The following NAV3 variants were observed in gnomAD, a reference collection of about 807,000 sequenced individuals.
NAV3 encodes the protein pore membrane and/or filament interacting like protein 1.
A neutral mutation model predicts 244.7 loss-of-function variants in NAV3; 87 were observed. The ratio of observed to expected loss-of-function variants is 0.36; its 90% CI spans 0.30 to 0.42. The LOEUF is 0.42. NAV3 is among the 20% of genes least tolerant of loss of function. NAV3 has a pLI of 1.00. For missense variants in NAV3, 2,663 were observed against 2,893.3 expected (o/e 0.92, Z 1.83); for synonymous variants, 1,126 against 1,042.2 (o/e 1.08, Z -1.55).
At chr12:78,003,317 G>T (rs1219571579) in intron 7 of NAV3, among the ~76,000 whole-genome samples, 3 of 152,036 alleles carry the variant, frequency 2.0e-5, no homozygotes, top group African/African-American at 7.2e-5. Context: ...CAAAATAAGT[G>T]GCATAGCCAC....
chr12:78,200,381 A>C (rs1430772533), intron 37 of NAV3, 92 bp from the exon 38 acceptor site: 1 of 736,320 alleles, frequency 1.4e-6, no homozygotes. Context: ...GAATTTTGCA[A>C]GAAATATATT....
chr12:78,032,118 G>A lies in NAV3; in HGVS notation c.2023+10256G>A, dbSNP rs547441262. On this transcript the variant is annotated intron_variant, in intron 9 of 39. Coordinates refer to ENST00000397909, the MANE Select transcript of NAV3 (RefSeq NM_001024383.2). ...TATTTCTCCTCTACTTTTGAGTTAT[G>A]TAACCCAGAAAAAAGTCTTTTTGTG... Among the ~76,000 whole-genome samples, 4 of 152,222 alleles carry A rather than the reference G, an allele frequency of 2.6e-5. No individual in the cohort carries two copies. In the South Asian group the frequency reaches 8.3e-4, roughly 32 times the overall value.
chr12:77,920,407 A>G (rs950446141), intron 1 of NAV3, among the ~76,000 whole-genome samples: 6 of 152,022 alleles, frequency 3.9e-5, no homozygotes, highest in African/African-American at 1.4e-4. Flanking sequence ...GGACATGAAG[A>G]AAATGGAAAA....
chr12:78,159,508 A>G (rs1957437485), intron 23 of NAV3, among the ~76,000 whole-genome samples: 1 of 151,966 alleles, frequency 6.6e-6, no homozygotes, highest in African/African-American at 2.4e-5. Flanking sequence ...TACTAAAAAC[A>G]CACACAAAAA....
chr12:77,850,099 A>C (rs1350237411), intron 1 of NAV3, among the ~76,000 whole-genome samples: 1 of 152,200 alleles, frequency 6.6e-6, no homozygotes, highest in Non-Finnish European at 1.5e-5. Context: ...ATATGTCTTT[A>C]ACATAAAATT....
At chr12:77,650,964 T>C (rs1158393971) in intron 2 of NAV3, among the ~76,000 whole-genome samples, 2 of 152,204 alleles carry the variant, frequency 1.3e-5, no homozygotes, top group East Asian at 3.9e-4. Flanking sequence ...AAAAATTCCA[T>C]TTTTTATAAA....
intron 6 of NAV3, among the ~76,000 whole-genome samples, chr12:77,997,626 T>G (rs1399768356): frequency 1.8e-4 from 27 of 152,248 alleles, no homozygotes; most frequent in Admixed American, 1.6e-3. Flanking sequence ...AGTGATTTTC[T>G]TCTGAGATCT....
chr12:78,160,378 A>AGTGTGTGTGTGTGTGTGT (rs10628612), intron 23 of NAV3, among the ~76,000 whole-genome samples: 1,401 of 133,742 alleles, frequency 0.01, 14 homozygotes, highest in East Asian at 0.063. Flanking sequence ...AATTCTATGG[A>AGTGTGTGTGTGTGTGTGT]GTGTGTGTGT....
chr12:77,963,686 G>A (rs1348325553), intron 3 of NAV3, among the ~76,000 whole-genome samples: 5 of 152,018 alleles, frequency 3.3e-5, no homozygotes, highest in African/African-American at 9.7e-5. Flanking sequence ...CAATAATGGG[G>A]AACATAACTA....
chr12:77,652,836 T>A (rs1450912970), intron 2 of NAV3, among the ~76,000 whole-genome samples: 1 of 152,228 alleles, frequency 6.6e-6, no homozygotes, highest in Admixed American at 6.5e-5. Flanking sequence ...GCAATCAGTG[T>A]TTGTCAGTTT....
rs547180122 is a variant in NAV3, at chr12:77,676,581, T to A, written c.72+104315T>A. 9.2e-3 allele frequency among the ~76,000 whole-genome samples: 1,401 copies of A among 151,822 alleles called. 23 individuals are homozygous for A. The highest frequency in any genetic ancestry group is 0.029 in the African/African-American group (1,185 of 41,412). The stretch of plus-strand genomic sequence containing the variant: ...AGCCTTTTTTTTTTTTTAAATTTTT[T>A]AAAAAATTTTACTTTAAGTTCTGGA... On this transcript the variant is annotated intron_variant, in intron 2 of 8. Transcript: ENST00000550042.
At chr12:77,968,491 C>CT (rs748082346) in intron 4 of NAV3, 28 bp from the exon 5 acceptor site, 16 of 1,560,944 alleles carry the variant, frequency 1.0e-5, no homozygotes, top group East Asian at 6.7e-5. Flanking sequence ...ACATATGATT[C>CT]TTTTTTTGTA....
At chr12:77,822,272 C>A (rs1351676769) in intron 2 of NAV3, among the ~76,000 whole-genome samples, 1 of 152,184 alleles carries the variant, frequency 6.6e-6, no homozygotes, top group East Asian at 1.9e-4. Context: ...TTTAGGTGGA[C>A]ATTGTGTGCA....
intron 21 of NAV3, among the ~76,000 whole-genome samples, chr12:78,146,703 TAC>T (rs1049904563): frequency 1.3e-5 from 2 of 152,112 alleles, no homozygotes; most frequent in African/African-American, 2.4e-5. Context: ...CCTATTTTAT[TAC>T]AGTCTTTTTC....
At chr12:77,766,745 T>TTTTTTTTG (rs1869786582) in intron 2 of NAV3, among the ~76,000 whole-genome samples, 1 of 26,516 alleles carries the variant, frequency 3.8e-5, no homozygotes, top group South Asian at 1.3e-3. Flanking sequence ...GTTTTTTTTT[T>TTTTTTTTG]TTTTTTTTTT....
intron 9 of NAV3, among the ~76,000 whole-genome samples, chr12:78,042,420 TTAAAAA>T (rs1357476351): frequency 6.6e-6 from 1 of 152,202 alleles, no homozygotes; most frequent in African/African-American, 2.4e-5. Flanking sequence ...GGAGAAGTAA[TTAAAAA>T]TAAAACCATT....
At chr12:77,966,556 A>G (rs571250582) in intron 4 of NAV3, among the ~76,000 whole-genome samples, 13 of 151,334 alleles carry the variant, frequency 8.6e-5, no homozygotes, top group African/African-American at 3.2e-4. Flanking sequence ...TCAAAAAAAT[A>G]TCTTTATGTT....
intron 1 of NAV3, among the ~76,000 whole-genome samples, chr12:77,928,353 G>T (rs186684573): frequency 6.6e-6 from 1 of 152,048 alleles, no homozygotes; most frequent in East Asian, 1.9e-4. Flanking sequence ...ATGCCGAGGG[G>T]TTCTCACAAT....
chr12:77,746,510 A>G (rs531141704), intron 2 of NAV3, among the ~76,000 whole-genome samples: 136 of 152,268 alleles, frequency 8.9e-4, no homozygotes, highest in Non-Finnish European at 1.4e-3. Flanking sequence ...TGTGTATACT[A>G]TATTACATAA....
Sources: gnomAD v4.1 joint callset for allele counts (sites outside exome capture counted in the v4.1 genomes callset) on GRCh38, gnomAD v4.1.1 for gene constraint, MANE v1.5 for transcripts, NCBI Gene and HGNC (gene_info 2026-07-23, HGNC 2026-07-21) for gene names.